The following CA10 variants were observed in gnomAD, a reference collection of about 807,000 sequenced individuals.
The protein encoded by CA10 is carbonic anhydrase 10 (inactive).
In CA10, 14 loss-of-function variants were observed where a neutral mutation model predicts 44.2. The ratio of observed to expected loss-of-function variants is 0.32; its 90% confidence interval spans 0.21 to 0.50. CA10 has a LOEUF of 0.50. CA10 is among the 20% of genes least tolerant of loss of function. CA10 has a pLI of 0.99. For missense variants in CA10, 350 were observed against 409.7 expected, an observed-to-expected ratio of 0.85 and a Z score of 1.26; for synonymous variants, 159 against 141.6, an observed-to-expected ratio of 1.12 and a Z score of -0.87.
At chr17:52,051,348 C>T (rs550324158) in intron 2 of CA10, among the ~76,000 whole-genome samples, 13 of 151,772 alleles carry the variant, frequency 8.6e-5, no homozygotes, top group African/African-American at 3.1e-4. Context: ...AAACTATCAA[C>T]AGAGAAACCA....
intron 2 of CA10, among the ~76,000 whole-genome samples, chr17:52,053,438 A>G (rs1021655328): frequency 6.6e-6 from 1 of 152,128 alleles, no homozygotes; most frequent in African/African-American, 2.4e-5. Context: ...AAAAAGTTCA[A>G]TCAGTATACT....
intron 3 of CA10, among the ~76,000 whole-genome samples, chr17:51,926,940 AAG>A (rs1192870148): frequency 2.0e-5 from 3 of 152,228 alleles, no homozygotes; most frequent in African/African-American, 7.2e-5. Context: ...ATGAAATGGA[AAG>A]AGAGGTTAGA....
intron 2 of CA10, among the ~76,000 whole-genome samples, chr17:51,971,221 T>C (rs1212985399): frequency 6.6e-6 from 1 of 151,976 alleles, no homozygotes; most frequent in Admixed American, 6.6e-5. Flanking sequence ...GAATAAAACA[T>C]GCTCATTTTT....
At chr17:52,068,868 G>T (rs527494879) in intron 2 of CA10, among the ~76,000 whole-genome samples, 1 of 152,272 alleles carries the variant, frequency 6.6e-6, no homozygotes, top group African/African-American at 2.4e-5. Flanking sequence ...GTATTACTCT[G>T]GGTTCTCCTG....
chr17:51,986,651 C>A (rs1984846588), intron 2 of CA10, among the ~76,000 whole-genome samples: 1 of 151,878 alleles, frequency 6.6e-6, no homozygotes, highest in Non-Finnish European at 1.5e-5. Flanking sequence ...CGAACTTCAA[C>A]AAATTAGCAA....
At chr17:51,936,697 T>C (rs1413338401) in intron 2 of CA10, among the ~76,000 whole-genome samples, 1 of 120,490 alleles carries the variant, frequency 8.3e-6, no homozygotes, top group African/African-American at 2.7e-5. Context: ...TCCAAGTTAA[T>C]AGAAAGCCAC....
intron 4 of CA10, among the ~76,000 whole-genome samples, chr17:51,702,201 C>T (rs1288373628): frequency 6.6e-6 from 1 of 152,190 alleles, no homozygotes; most frequent in African/African-American, 2.4e-5. Context: ...CTTTGAACCT[C>T]ACAGCACTGT....
intron 1 of CA10, among the ~76,000 whole-genome samples, chr17:52,156,699 T>C (rs1989811039): frequency 6.6e-6 from 1 of 152,198 alleles, no homozygotes; most frequent in African/African-American, 2.4e-5. Context: ...CCTGCTCTCC[T>C]CTTCTGATGA....
At chr17:51,754,414 T>TC (rs1159901900) in intron 3 of CA10, among the ~76,000 whole-genome samples, 3 of 62,122 alleles carry the variant, frequency 4.8e-5, no homozygotes, top group Non-Finnish European at 9.5e-5. Context: ...TATATATATA[T>TC]ATATATATAT....
At chr17:52,112,689 T>C (rs1017419287) in intron 1 of CA10, among the ~76,000 whole-genome samples, 2 of 152,224 alleles carry the variant, frequency 1.3e-5, no homozygotes, top group South Asian at 2.1e-4. Context: ...ATATCCAAAG[T>C]GCCTAGACCA....
chr17:51,631,536 C>T lies in CA10; in HGVS notation c.*48G>A. ...GGGGACATTCTAGGTTACGTCAATT[C>T]ACAGTTGTAGCATTTCACTGAGGTG... On this transcript the variant is annotated 3_prime_UTR_variant, in exon 9 of 9. Transcript: ENST00000451037. 3.2e-6 allele frequency: 5 copies of T among 1,554,122 alleles called. No homozygotes were observed. The highest frequency in any genetic ancestry group is 2.2e-5 in the East Asian group (1 of 44,550).
chr17:51,674,399 T>A (rs926281285), intron 4 of CA10, among the ~76,000 whole-genome samples: 1 of 152,272 alleles, frequency 6.6e-6, no homozygotes, highest in Non-Finnish European at 1.5e-5. Flanking sequence ...ATCCTTCTTC[T>A]GTGGTTACTT....
rs150535291 is a variant in CA10, at chr17:51,668,172, G to A, written c.466-14436C>T. ...AAAGGTCTTTATCCCTTGGGTAGCCGGAGTCTGAGGCATTCCCAAGGGCGA... is the reference window on the plus strand; with the variant it reads ...AAAGGTCTTTATCCCTTGGGTAGCCAGAGTCTGAGGCATTCCCAAGGGCGA... On this transcript the variant is annotated intron_variant, in intron 4 of 8. Coordinates refer to ENST00000451037, the MANE Select transcript of CA10 (RefSeq NM_020178.5). Among the ~76,000 whole-genome samples the A allele has an allele frequency of 2.5e-4, 38 of 152,316 alleles. No homozygotes were observed. In the East Asian group the frequency reaches 2.5e-3, roughly 10 times the overall value.
At chr17:52,122,346 T>C (rs1989031319) in intron 1 of CA10, among the ~76,000 whole-genome samples, 1 of 152,232 alleles carries the variant, frequency 6.6e-6, no homozygotes, top group African/African-American at 2.4e-5. Flanking sequence ...AGCAGTACCA[T>C]AATGAGCCAT....
At chr17:51,876,659 C>A (rs1980095311) in intron 3 of CA10, among the ~76,000 whole-genome samples, 1 of 151,518 alleles carries the variant, frequency 6.6e-6, no homozygotes, top group Non-Finnish European at 1.5e-5. Flanking sequence ...CTCACATTAC[C>A]AAATGTTGGG....
At chr17:51,891,702 G>C (rs1011789562) in intron 3 of CA10, among the ~76,000 whole-genome samples, 1 of 152,228 alleles carries the variant, frequency 6.6e-6, no homozygotes, top group Non-Finnish European at 1.5e-5. Context: ...GTGAGGGTTG[G>C]TATGGTGGCT....
At chr17:51,662,755 G>T (rs1197189411) in intron 4 of CA10, among the ~76,000 whole-genome samples, 1 of 152,108 alleles carries the variant, frequency 6.6e-6, no homozygotes, top group Non-Finnish European at 1.5e-5. Flanking sequence ...TGCAATTATG[G>T]CTAAAAATAA....
chr17:51,950,028 T>C lies in CA10; in HGVS notation c.137-18896A>G, dbSNP rs113698573. Reference sequence around the variant, plus strand: ...TTAGTACAATTAGGAACAATTAGTATTGGGTACCCTCCAAGACACTGAATA... The same window carrying C: ...TTAGTACAATTAGGAACAATTAGTACTGGGTACCCTCCAAGACACTGAATA... On this transcript the variant is annotated intron_variant, in intron 2 of 8. Transcript: ENST00000451037. Among the ~76,000 whole-genome samples the C allele has an allele frequency of 8.5e-5, 13 of 152,302 alleles. No individual in the cohort carries two copies. The East Asian group carries it at 2.5e-3, about 29-fold the overall frequency.
At chr17:51,817,897 G>A (rs759283173) in intron 3 of CA10, among the ~76,000 whole-genome samples, 9 of 152,218 alleles carry the variant, frequency 5.9e-5, no homozygotes, top group Non-Finnish European at 1.2e-4. Context: ...TTTGCCCACC[G>A]TGGTGTAATT....
Sources: allele counts gnomAD v4.1 joint callset (sites outside exome capture counted in the v4.1 genomes callset), GRCh38; gene constraint gnomAD v4.1.1; transcripts MANE v1.5; gene names NCBI Gene and HGNC (gene_info 2026-07-23, HGNC 2026-07-21).